The following HS6ST3 variants were observed in gnomAD, a reference collection of about 807,000 sequenced individuals.
The protein encoded by HS6ST3 is heparan sulfate 6-O-sulfotransferase 3, also known as heparan-sulfate 6-O-sulfotransferase 3.
HS6ST3 carries 12 observed loss-of-function variants against 36.7 expected under a neutral mutation model. The observed-to-expected ratio is 0.33, with a 90% CI of 0.21 to 0.53. The LOEUF (loss-of-function observed/expected upper bound fraction) is 0.53, where lower values mean the gene tolerates loss of function less well. Ranked by LOEUF, HS6ST3 falls within the 20% of genes least tolerant of loss-of-function variation. The pLI, the probability that HS6ST3 is intolerant of heterozygous loss-of-function variation, is 0.95. For missense variants in HS6ST3, 584 were observed against 640.9 expected (o/e 0.91, Z 0.96); for synonymous variants, 240 against 257.5 (o/e 0.93, Z 0.65).
chr13:96,742,054 A>AGATGTTG (rs1876454299), intron 1 of HS6ST3, among the ~76,000 whole-genome samples: 1 of 152,154 alleles, frequency 6.6e-6, no homozygotes, highest in African/African-American at 2.4e-5. Context: ...CATCCCGTTG[A>AGATGTTG]GAGAGAGTGT....
rs140219700 is a variant in HS6ST3 at position 96,321,420 on chromosome 13, T to G, written c.707+229851T>G. On this transcript the variant is annotated intron_variant, in intron 1 of 1. Transcript: ENST00000376705. ...CAGATGATTTTTTTTCCTCCAGTCT[T>G]CCTCAGCTAGTCCAGACTATTTATC... 3.3e-3 allele frequency among the ~76,000 whole-genome samples: 505 copies of G among 152,304 alleles called. 4 individuals carry two copies. The highest frequency in any genetic ancestry group is 0.012 in the African/African-American group (484 of 41,552).
At chr13:96,351,335 T>TTTTTTTTTTTTTTTTTTTTTAAAA (rs1203595829) in intron 1 of HS6ST3, among the ~76,000 whole-genome samples, 33 of 146,402 alleles carry the variant, frequency 2.3e-4, no homozygotes, top group African/African-American at 8.3e-4. Context: ...TTTTTTTTTT[T>TTTTTTTTTTTTTTTTTTTTTAAAA]AAAAAAAACA....
chr13:96,246,386 A>G (rs1486276487), intron 1 of HS6ST3, among the ~76,000 whole-genome samples: 1 of 152,202 alleles, frequency 6.6e-6, no homozygotes, highest in Non-Finnish European at 1.5e-5. Flanking sequence ...TGATGCTAAT[A>G]GGTTGAAACA....
chr13:96,630,685 G>A (rs1381712948), intron 1 of HS6ST3, among the ~76,000 whole-genome samples: 4 of 151,988 alleles, frequency 2.6e-5, no homozygotes, highest in Admixed American at 6.6e-5. Flanking sequence ...TAATATTCTC[G>A]GGGCATCTGA....
chr13:96,255,376 CATT>C (rs1204855571), intron 1 of HS6ST3, among the ~76,000 whole-genome samples: 1 of 152,144 alleles, frequency 6.6e-6, no homozygotes, highest in Admixed American at 6.5e-5. Flanking sequence ...GAAGTGAAAA[CATT>C]ATCAAATTTC....
chr13:96,108,823 A>G (rs1415071140), intron 1 of HS6ST3, among the ~76,000 whole-genome samples: 1 of 152,206 alleles, frequency 6.6e-6, no homozygotes, highest in Non-Finnish European at 1.5e-5. Context: ...AAGAACCTGA[A>G]TCCTGCTCTG....
At chr13:96,285,313 GC>G (rs1227019920) in intron 1 of HS6ST3, among the ~76,000 whole-genome samples, 2 of 152,092 alleles carry the variant, frequency 1.3e-5, no homozygotes, top group Non-Finnish European at 2.9e-5. Flanking sequence ...ATACTATTTA[GC>G]AATAATTTAA....
chr13:96,706,951 C>CA (rs1289735235), intron 1 of HS6ST3, among the ~76,000 whole-genome samples: 5 of 151,766 alleles, frequency 3.3e-5, no homozygotes, highest in African/African-American at 1.2e-4. Flanking sequence ...GAGTAGCTTT[C>CA]AAAAAAAGGA....
At chr13:96,137,503 A>G (rs750772408) in intron 1 of HS6ST3, among the ~76,000 whole-genome samples, 78 of 145,098 alleles carry the variant, frequency 5.4e-4, no homozygotes, top group Middle Eastern at 3.5e-3. Flanking sequence ...GTGCGATCTT[A>G]GCTCACTGCA....
At chr13:96,318,733 G>A (rs951552233) in intron 1 of HS6ST3, among the ~76,000 whole-genome samples, 5 of 151,710 alleles carry the variant, frequency 3.3e-5, no homozygotes, top group Admixed American at 6.6e-5. Context: ...CTTTCTATTC[G>A]GTTCCATTGA....
intron 1 of HS6ST3, among the ~76,000 whole-genome samples, chr13:96,589,544 G>A (rs1254031805): frequency 6.6e-6 from 1 of 151,700 alleles, no homozygotes; most frequent in African/African-American, 2.4e-5. Flanking sequence ...ATTTCTGTTT[G>A]GGTCTTTATT....
chr13:96,486,350 G>T (rs568080020), intron 1 of HS6ST3, among the ~76,000 whole-genome samples: 1 of 152,244 alleles, frequency 6.6e-6, no homozygotes, highest in African/African-American at 2.4e-5. Flanking sequence ...TTTTATAGCA[G>T]CATGTTTTGT....
intron 1 of HS6ST3, among the ~76,000 whole-genome samples, chr13:96,302,253 C>T (rs1048734176): frequency 5.3e-5 from 8 of 152,024 alleles, no homozygotes; most frequent in African/African-American, 1.9e-4. Flanking sequence ...GATTGTCCTA[C>T]AGAGATTTAT....
At chr13:96,201,352 A>G (rs966592306) in intron 1 of HS6ST3, among the ~76,000 whole-genome samples, 1 of 152,036 alleles carries the variant, frequency 6.6e-6, no homozygotes, top group Admixed American at 6.6e-5. Context: ...AGATTAGGCC[A>G]GTTGGGATAA....
At chr13:96,467,482 G>A (rs144533566) in intron 1 of HS6ST3, among the ~76,000 whole-genome samples, 89 of 152,276 alleles carry the variant, frequency 5.8e-4, no homozygotes, top group African/African-American at 2.0e-3. Flanking sequence ...CCTTAGTAGA[G>A]TTTCTAATGA....
intron 1 of HS6ST3, among the ~76,000 whole-genome samples, chr13:96,465,747 C>T (rs2055810443): frequency 6.6e-6 from 1 of 151,912 alleles, no homozygotes; most frequent in South Asian, 2.1e-4. Context: ...TTAAAATGTT[C>T]TTATGTTTTA....
At chr13:96,702,117 T>C (rs1875304120) in intron 1 of HS6ST3, among the ~76,000 whole-genome samples, 1 of 152,180 alleles carries the variant, frequency 6.6e-6, no homozygotes, top group Non-Finnish European at 1.5e-5. Flanking sequence ...AGATGGACCG[T>C]ATCGATGGAG....
chr13:96,221,525 G>C (rs2054455326), intron 1 of HS6ST3, among the ~76,000 whole-genome samples: 2 of 152,096 alleles, frequency 1.3e-5, no homozygotes, highest in Admixed American at 1.3e-4. Flanking sequence ...CAGTGGGATG[G>C]GGAGGAGGTA....
At chr13:96,716,869 C>T (rs890533460) in intron 1 of HS6ST3, among the ~76,000 whole-genome samples, 1 of 152,202 alleles carries the variant, frequency 6.6e-6, no homozygotes, top group African/African-American at 2.4e-5. Context: ...TCTCTTGACT[C>T]CTCCATTAGT....
Sources: gnomAD v4.1 joint callset for allele counts (sites outside exome capture counted in the v4.1 genomes callset) on GRCh38, gnomAD v4.1.1 for gene constraint, MANE v1.5 for transcripts, NCBI Gene and HGNC (gene_info 2026-07-23, HGNC 2026-07-21) for gene names.